The following TIGAR variants were observed in gnomAD, a reference collection of about 807,000 sequenced individuals.
TIGAR encodes TP53 induced glycolysis regulatory phosphatase, also known as fructose-2,6-bisphosphatase TIGAR.
Under a neutral mutation model 17.9 loss-of-function variants are expected in TIGAR, and 7 were observed. The ratio of observed to expected loss-of-function variants is 0.39; its 90% CI spans 0.22 to 0.73. The LOEUF is 0.73. Among genes scored for constraint, TIGAR ranks in the 30% least tolerant of loss-of-function variants. The pLI is 0.42. For missense variants in TIGAR, 258 were observed against 327.4 expected (o/e 0.79, Z 1.64); for synonymous variants, 94 against 108.6 (o/e 0.87, Z 0.84).
In TIGAR at chr12:4,347,649, TCTCATGTGC is replaced by T. The variant is rs1216729194; in HGVS notation, c.193-2168_193-2160del. ...TGCATTGCATGGCTGTATCAAAGTG[TCTCATGTGC>T]CCCATAAATATATACATTTACTGTA... is the stretch of plus-strand genomic sequence containing the variant. On this transcript the variant is annotated intron_variant, in intron 3 of 5. Coordinates refer to ENST00000179259, the MANE Select transcript of TIGAR (RefSeq NM_020375.3). 7.2e-5 allele frequency among the ~76,000 whole-genome samples: 11 copies of T among 152,258 alleles called. No individual in the cohort carries two copies. In the East Asian group the frequency reaches 2.1e-3, roughly 29 times the overall value.
rs373191225 is a variant in TIGAR, at chr12:4,337,090, C to T, written c.122C>T (p.Ala41Val). 5 of 1,613,586 alleles carry T rather than the reference C, an allele frequency of 3.1e-6. No individual in the cohort carries two copies. Among genetic ancestry groups the T allele is most frequent in the Non-Finnish European group, 3.4e-6 (4 of 1,179,524 alleles). The change falls in exon 3 of 6, where the codon GCT becomes GTT. Residue 41 changes from alanine to valine, a missense_variant. Coordinates refer to ENST00000179259, the MANE Select transcript of TIGAR (RefSeq NM_020375.3). Reference protein sequence around the residue: ...LSETGFKQAAAAGIFLNNVKF... With the variant: ...LSETGFKQAAVAGIFLNNVKF... ...GAAACTGGATTTAAACAAGCAGCAG[C>T]TGCTGGTATATTTCTGAATAATGTG...
In TIGAR at chr12:4,359,688, G is replaced by T. The variant is rs755760908; in HGVS notation, c.*6997G>T. Among the ~76,000 whole-genome samples, 3 of 152,064 alleles carry T rather than the reference G, an allele frequency of 2.0e-5. No homozygotes were observed. Among genetic ancestry groups the T allele is most frequent in the Non-Finnish European group, 2.9e-5 (2 of 68,024 alleles). On this transcript the variant is annotated 3_prime_UTR_variant, in exon 6 of 6. Transcript: ENST00000179259. ...TATTTTTACAAGTCTTTTTGCGGACGTATGTTTTCATTTCTCTTGGGTAAA... is the reference window on the plus strand; with the variant it reads ...TATTTTTACAAGTCTTTTTGCGGACTTATGTTTTCATTTCTCTTGGGTAAA...
At chr12:4,338,946 A>C (rs1864688586) in intron 3 of TIGAR, among the ~76,000 whole-genome samples, 1 of 136,366 alleles carries the variant, frequency 7.3e-6, no homozygotes, top group Non-Finnish European at 1.5e-5. Context: ...ACTGCACTCC[A>C]GCCTGGGCAA....
At chr12:4,344,464 C>G (rs1337061210) in intron 3 of TIGAR, among the ~76,000 whole-genome samples, 2 of 152,156 alleles carry the variant, frequency 1.3e-5, no homozygotes, top group African/African-American at 4.8e-5. Flanking sequence ...AACATTGATG[C>G]AAAAATCCTC....
At chr12:4,340,449 A>G (rs1430688545) in intron 3 of TIGAR, among the ~76,000 whole-genome samples, 1 of 152,242 alleles carries the variant, frequency 6.6e-6, no homozygotes, top group African/African-American at 2.4e-5. Flanking sequence ...TAGAAGAGTC[A>G]ATATTGTTAA....
chr12:4,355,412 C>G lies in TIGAR; in HGVS notation c.*2721C>G, dbSNP rs1222957804. Among the ~76,000 whole-genome samples the G allele has an allele frequency of 2.0e-5, 3 of 152,090 alleles. No homozygotes were observed. Among genetic ancestry groups the G allele is most frequent in the African/African-American group, 7.2e-5 (3 of 41,410 alleles). On this transcript the variant is annotated 3_prime_UTR_variant, in exon 6 of 6. Transcript: ENST00000179259. ...TCAGTGTCATACTTAGTTACTGTGG[C>G]TTTGCAGCTGACTGTCTTAAAGGGT...
chr12:4,329,839 C>T (rs1864585898), intron 1 of TIGAR, among the ~76,000 whole-genome samples: 1 of 152,090 alleles, frequency 6.6e-6, no homozygotes. Context: ...CTGCTTGTGC[C>T]TTTAAGGAAC....
At chr12:4,339,818 C>T (rs1864700382) in intron 3 of TIGAR, among the ~76,000 whole-genome samples, 1 of 152,098 alleles carries the variant, frequency 6.6e-6, no homozygotes, top group Admixed American at 6.5e-5. Context: ...TCAATTGAGG[C>T]TGAAAAAGCA....
Position 4,321,351 on chromosome 12 carries a change from G to A in TIGAR, c.32+48G>A. On this transcript the variant is annotated intron_variant, in intron 1 of 5. Transcript: ENST00000179259. This position sits in a 1 kb window ranked among gnomAD's most constrained non-coding sequence, Gnocchi z 5.2. ...GTCTTTCTCTCTCTCTTCCTTGAGT[G>A]TGTTGGAGCGGGTGAAGGGAAAACG... The A allele has an allele frequency of 6.3e-7, 1 of 1,598,796 alleles. No individual in the cohort carries two copies. The highest frequency in any genetic ancestry group is 8.5e-7 in the Non-Finnish European group (1 of 1,178,994).
At chr12:4,349,692 C>T in intron 3 of TIGAR, 127 bp from the exon 4 acceptor site, 1 of 700,808 alleles carries the variant, frequency 1.4e-6, no homozygotes, top group Non-Finnish European at 2.3e-6. Flanking sequence ...GCTGGGATTA[C>T]AGGTGTGAGC....
chr12:4,350,207 A>T (rs1322887776), intron 4 of TIGAR, among the ~76,000 whole-genome samples: 1 of 152,240 alleles, frequency 6.6e-6, no homozygotes, highest in African/African-American at 2.4e-5. Flanking sequence ...AGCTACGCTG[A>T]TGGAAAGCTA....
rs114074696 is a variant in TIGAR at position 4,357,091 on chromosome 12, T to C, written c.*4400T>C. Reference sequence around the variant, plus strand: ...ACATGCTCATATTAGGGGAAGCACATAAAGTAAGATATCCCTGAGAGAACA... The same window carrying C: ...ACATGCTCATATTAGGGGAAGCACACAAAGTAAGATATCCCTGAGAGAACA... On this transcript the variant is annotated 3_prime_UTR_variant, in exon 6 of 6. Transcript: ENST00000179259. Among the ~76,000 whole-genome samples, 704 of 152,334 alleles carry C rather than the reference T, an allele frequency of 4.6e-3. 8 individuals carry two copies. The highest frequency in any genetic ancestry group is 0.015 in the African/African-American group (630 of 41,580).
In TIGAR at chr12:4,355,577, A is replaced by G. The variant is rs1304603588; in HGVS notation, c.*2886A>G. 2.6e-5 allele frequency among the ~76,000 whole-genome samples: 4 copies of G among 152,250 alleles called. No homozygotes were observed. Among genetic ancestry groups the G allele is most frequent in the Non-Finnish European group, 2.9e-5 (2 of 68,050 alleles). ...TTATTGGAGTCACATGCATCTCTTC[A>G]TCTATTCAATACGTATTTTTTGAGC... is the stretch of plus-strand genomic sequence containing the variant. On this transcript the variant is annotated 3_prime_UTR_variant, in exon 6 of 6. Transcript: ENST00000179259.
At chr12:4,332,621 C>T (rs1409216013) in intron 2 of TIGAR, among the ~76,000 whole-genome samples, 1 of 152,188 alleles carries the variant, frequency 6.6e-6, no homozygotes, top group Non-Finnish European at 1.5e-5. Context: ...GGTAAGCATT[C>T]AGCACCAAGT....
intron 3 of TIGAR, among the ~76,000 whole-genome samples, chr12:4,348,705 A>G (rs1864806874): frequency 1.3e-5 from 2 of 152,256 alleles, no homozygotes. Flanking sequence ...TATTGACAGT[A>G]CATATAAAAC....
rs939126406 is a variant in TIGAR at position 4,354,711 on chromosome 12, T to C, written c.*2020T>C. ...TAGTGGGCATTTAGGTATATTCAGTTTTTATTTTCTTTGCTTTTTTTCTTT... is the reference window on the plus strand; with the variant it reads ...TAGTGGGCATTTAGGTATATTCAGTCTTTATTTTCTTTGCTTTTTTTCTTT... On this transcript the variant is annotated 3_prime_UTR_variant, in exon 6 of 6. Transcript: ENST00000179259. The C allele has an allele frequency of 4.0e-5, 6 of 151,780 alleles. No individual in the cohort carries two copies. The highest frequency in any genetic ancestry group is 6.6e-5 in the Admixed American group (1 of 15,222). 9.4% of individuals were successfully genotyped at this position (151,780 alleles called of 1,614,324 possible). A position where few individuals can be genotyped will look rare whatever the true frequency, so the allele number is the denominator to read the frequency against.
intron 3 of TIGAR, among the ~76,000 whole-genome samples, chr12:4,337,364 C>T (rs1432899829): frequency 6.6e-6 from 1 of 152,072 alleles, no homozygotes; most frequent in Non-Finnish European, 1.5e-5. Flanking sequence ...TGGGGTTTTG[C>T]CATGTTGCTG....
rs554461883 is a variant in TIGAR at position 4,345,339 on chromosome 12, C to T, written c.193-4480C>T. On this transcript the variant is annotated intron_variant, in intron 3 of 5. Transcript: ENST00000179259. ...CAAAAGAACAAAGCTGGAGGCATCA[C>T]GCTACCTGACTTCAAACTATGCTAC... Among the ~76,000 whole-genome samples the T allele has an allele frequency of 5.3e-5, 8 of 152,298 alleles. No homozygotes were observed. The East Asian group carries it at 9.6e-4, about 18-fold the overall frequency.
chr12:4,324,805 C>T (rs1470464061), intron 1 of TIGAR: 2 of 604,762 alleles, frequency 3.3e-6, no homozygotes, highest in East Asian at 5.6e-5. Flanking sequence ...TGCTCTACCT[C>T]GGCCATCTTG....
Sources: allele counts gnomAD v4.1 joint callset (sites outside exome capture counted in the v4.1 genomes callset), GRCh38; gene constraint gnomAD v4.1.1; non-coding constraint Gnocchi (gnomAD v3.1); transcripts MANE v1.5; gene names NCBI Gene and HGNC (gene_info 2026-07-23, HGNC 2026-07-21).